ARFRP1: variants seen among roughly 807,000 people sequenced by gnomAD.
ARFRP1 encodes the protein ADP-ribosylation factor-related protein 1.
A neutral mutation model predicts 30.3 loss-of-function variants in ARFRP1; 19 were observed. The ratio of observed to expected loss-of-function variants is 0.63; its 90% CI spans 0.44 to 0.92. The LOEUF (loss-of-function observed/expected upper bound fraction) is 0.92. Among genes scored for constraint, ARFRP1 ranks in the 40% least tolerant of loss-of-function variants. The pLI, the probability that ARFRP1 is intolerant of heterozygous loss-of-function variation, is 0.00. For missense variants in ARFRP1, 245 were observed against 267.5 expected, an observed-to-expected ratio of 0.92 and a Z score of 0.59; for synonymous variants, 133 against 114.2, an observed-to-expected ratio of 1.16 and a Z score of -1.05.
At position 63,706,264 on chromosome 20, in the gene ARFRP1, A is replaced by G. The variant is rs537528878; in HGVS notation, c.264+93T>C. The G allele has an allele frequency of 4.2e-6, 5 of 1,195,480 alleles. No individual in the cohort carries two copies. The South Asian group carries it at 6.2e-5, about 15-fold the overall frequency. 74.1% of individuals were successfully genotyped at this position (1,195,480 alleles called of 1,614,324 possible). A position where few individuals can be genotyped will look rare whatever the true frequency, so the allele number is the denominator to read the frequency against. ...GAAAACCCGAGGGACAGAGTGGGTAAGGAAAACTGCTGAGGAAGGGCCCAA... is the reference window on the plus strand; with the variant it reads ...GAAAACCCGAGGGACAGAGTGGGTAGGGAAAACTGCTGAGGAAGGGCCCAA... On this transcript the variant is annotated intron_variant, in intron 4 of 7. Transcript: ENST00000622789.
chr20:63,707,259 A>AACTT, intron 1 of ARFRP1, 162 bp from the exon 2 acceptor site: 2 of 622,626 alleles, frequency 3.2e-6, no homozygotes, highest in Non-Finnish European at 5.7e-6. Context: ...GTCCCTCTGT[A>AACTT]ACTTCTCCCA....
At chr20:63,702,492 CTTA>C (rs2091263784) in intron 4 of ARFRP1, 3 of 476,928 alleles carry the variant, frequency 6.3e-6, no homozygotes, top group African/African-American at 3.9e-5. Flanking sequence ...GTGGCTCACA[CTTA>C]TTATCCCAAC....
At chr20:63,706,797 T>C (rs1209252236) in intron 2 of ARFRP1, 59 bp from the exon 3 acceptor site, 4 of 1,422,506 alleles carry the variant, frequency 2.8e-6, no homozygotes, top group African/African-American at 1.4e-5. Flanking sequence ...CTTCCAAATA[T>C]CCTTACTCAG....
At chr20:63,702,277 C>G in intron 4 of ARFRP1, 60 bp from the exon 5 acceptor site, 1 of 1,516,482 alleles carries the variant, frequency 6.6e-7, no homozygotes, top group South Asian at 1.1e-5. Context: ...CCAGCAGAGC[C>G]AGGCCTGTGT....
intron 4 of ARFRP1, chr20:63,706,050 C>T (rs529812798): frequency 7.9e-6 from 3 of 380,408 alleles, no homozygotes; most frequent in Admixed American, 7.4e-5. Context: ...CAACAGGTTC[C>T]CCTAATACAT....
Position 63,706,701 on chromosome 20 carries a change from T to C in ARFRP1, c.131A>G (p.Asn44Ser), listed in dbSNP as rs1284726334. ...LEQSKTRFNK[N>S]YKGMSLSKIT... The stretch of plus-strand genomic sequence containing the variant: ...TTTGGATAGACTCATCCCCTTGTAG[T>C]TCTTGTTAAATCGGGTTTTCGACTG... Residue 44 changes from asparagine (N) to serine (S), a missense_variant, in exon 3 of 8, where the codon AAC becomes AGC. Transcript: ENST00000622789. The C allele has an allele frequency of 1.9e-6, 3 of 1,614,066 alleles. No individual in the cohort carries two copies. Among genetic ancestry groups the C allele is most frequent in the Non-Finnish European group, 2.5e-6 (3 of 1,179,940 alleles).
chr20:63,706,581 G>T, intron 3 of ARFRP1, 70 bp downstream of exon 3: 2 of 1,525,982 alleles, frequency 1.3e-6, no homozygotes, highest in Non-Finnish European at 1.8e-6. Flanking sequence ...GTGGCCACGG[G>T]CCAGCTGGAC....
In ARFRP1 at chr20:63,700,488, G is replaced by A. The variant is rs532707971; in HGVS notation, c.561C>T (p.Val187=). Residue 187 remains valine, a synonymous_variant, in exon 8 of 8, where the codon GTC becomes GTT. Transcript: ENST00000622789. ...GCGGCGGCCGGTGCACATTCCGCAC[G>A]ACACACTTCACCATCCACTCGATGC... The part of the protein sequence containing the change: ...REGIEWMVKC[V]VRNVHRPPRQ... 25 of 1,610,332 alleles carry A rather than the reference G, an allele frequency of 1.6e-5. No individual in the cohort carries two copies. The highest frequency in any genetic ancestry group is 1.5e-4 in the African/African-American group (11 of 74,878).
intron 4 of ARFRP1, 158 bp from the exon 5 acceptor site, chr20:63,702,375 C>T (rs528055330): frequency 7.6e-5 from 52 of 684,562 alleles, no homozygotes; most frequent in East Asian, 2.2e-4. Context: ...TCTGGGGTTG[C>T]GGGGAGATCT....
intron 5 of ARFRP1, 68 bp downstream of exon 5, chr20:63,702,068 G>T: frequency 6.9e-7 from 1 of 1,455,262 alleles, no homozygotes; most frequent in South Asian, 1.1e-5. Context: ...CCCAGGCACA[G>T]AGCTGCCCAA....
intron 2 of ARFRP1, 53 bp downstream of exon 2, chr20:63,706,946 A>AG: frequency 6.2e-7 from 1 of 1,601,006 alleles, no homozygotes; most frequent in Non-Finnish European, 8.5e-7. Context: ...ACAAAACCGA[A>AG]GGGGGCGCCG....
At position 63,706,458 on chromosome 20, in the gene ARFRP1, A is replaced by C; in HGVS notation, c.182-19T>G. The C allele has an allele frequency of 6.2e-7, 1 of 1,611,596 alleles. No individual in the cohort carries two copies. Among genetic ancestry groups the C allele is most frequent in the African/African-American group, 1.3e-5 (1 of 75,016 alleles). On this transcript the variant is annotated intron_variant, in intron 3 of 7. Coordinates refer to ENST00000622789, the MANE Select transcript of ARFRP1 (RefSeq NM_001267547.3). ...GTGCCGACTGGGGAGAGGAGGAAAC[A>C]GGCAAGGCTCATGACCTTGGTCCTC...
intron 6 of ARFRP1, 128 bp from the exon 7 acceptor site, chr20:63,700,830 G>A (rs773806414): frequency 1.7e-5 from 22 of 1,304,462 alleles, no homozygotes; most frequent in Non-Finnish European, 2.1e-5. Flanking sequence ...CAGGGTCCCA[G>A]TGTCTCCCAC....
chr20:63,706,406 A>G lies in ARFRP1; in HGVS notation c.215T>C (p.Met72Thr), dbSNP rs2091463672. ...TTCCTGCCCTCCTAAGTCCCAGAACATGAGCCGAGCCTTTCCCACATCCAC... is the reference window on the plus strand; with the variant it reads ...TTCCTGCCCTCCTAAGTCCCAGAACGTGAGCCGAGCCTTTCCCACATCCAC... ...GTVDVGKARL[M>T]FWDLGGQEEL... is the part of the protein sequence containing the mutation. Residue 72 changes from methionine (M) to threonine (T), a missense_variant, in exon 4 of 8, where the codon ATG becomes ACG. Transcript: ENST00000622789. The G allele has an allele frequency of 6.2e-7, 1 of 1,613,442 alleles. No individual in the cohort carries two copies. Among genetic ancestry groups the G allele is most frequent in the South Asian group, 1.1e-5 (1 of 91,086 alleles).
chr20:63,701,765 T>C, intron 6 of ARFRP1, 65 bp downstream of exon 6: 1 of 1,457,832 alleles, frequency 6.9e-7, no homozygotes, highest in Non-Finnish European at 9.4e-7. Flanking sequence ...GCACACCTGC[T>C]CCCCTTGCTG....
intron 3 of ARFRP1, 31 bp from the exon 4 acceptor site, chr20:63,706,470 T>G (rs1568769746): frequency 6.2e-7 from 1 of 1,606,526 alleles, no homozygotes; most frequent in Admixed American, 1.7e-5. Flanking sequence ...GCAAGGCTCA[T>G]GACCTTGGTC....
At chr20:63,702,011 C>A (rs2091236713) in intron 5 of ARFRP1, 111 bp from the exon 6 acceptor site, 1 of 1,016,158 alleles carries the variant, frequency 9.8e-7, no homozygotes, top group South Asian at 1.6e-5. Flanking sequence ...CCCCCCCCCC[C>A]CGTCACCCAC....
chr20:63,707,491 C>T (rs1336258879), intron 1 of ARFRP1: 1 of 169,802 alleles, frequency 5.9e-6, no homozygotes, highest in South Asian at 1.4e-4. Flanking sequence ...CCCTCGAGCG[C>T]CAGCCCCGCG....
At position 63,701,389 on chromosome 20, in the gene ARFRP1, G is replaced by A. The variant is rs768665535; in HGVS notation, c.417+441C>T. 8 of 533,748 alleles carry A rather than the reference G, an allele frequency of 1.5e-5. No individual in the cohort carries two copies. In the East Asian group the frequency reaches 3.7e-4, roughly 25 times the overall value. 33.1% of individuals were successfully genotyped at this position (533,748 alleles called of 1,614,324 possible). On this transcript the variant is annotated intron_variant, in intron 6 of 7. Transcript: ENST00000622789. The stretch of plus-strand genomic sequence containing the variant: ...TCCCGGGGGCAGTGGCACCTCAGAG[G>A]GGTCTTGAGGGGCTGCCCTGGGGGT...
Sources: gnomAD v4.1 joint callset for allele counts on GRCh38, gnomAD v4.1.1 for gene constraint, MANE v1.5 for transcripts, NCBI Gene and HGNC (gene_info 2026-07-23, HGNC 2026-07-21) for gene names.